The following HTR2C variants were observed in gnomAD, a reference collection of about 807,000 sequenced individuals.
HTR2C encodes 5-hydroxytryptamine (serotonin) receptor 2C, G protein-coupled.
A neutral mutation model predicts 21.0 loss-of-function variants in HTR2C; 5 were observed. The observed-to-expected ratio is 0.24, with a 90% CI of 0.12 to 0.50. The LOEUF (loss-of-function observed/expected upper bound fraction) is 0.50. Among genes scored for constraint, HTR2C ranks in the 20% least tolerant of loss-of-function variants. The probability of loss-of-function intolerance (pLI) is 0.98; values close to 1 mark genes in which losing one functional copy is unlikely to be tolerated. For synonymous variants in HTR2C, 150 were observed against 145.3 expected (o/e 1.03, Z -0.23); for missense variants, 271 against 371.2 (o/e 0.73, Z 2.22).
intron 4 of HTR2C, among the ~76,000 whole-genome samples, chrX:114,833,464 C>G (rs2070749156): frequency 9.0e-6 from 1 of 111,386 alleles, no homozygotes; most frequent in South Asian, 3.9e-4. Flanking sequence ...TCCATTTCTG[C>G]TAGATTTTCT....
intron 4 of HTR2C, among the ~76,000 whole-genome samples, chrX:114,789,094 A>C (rs1261469699): frequency 8.9e-6 from 1 of 112,314 alleles, no homozygotes; most frequent in East Asian, 2.8e-4. Flanking sequence ...TACAGTTCTC[A>C]AGAAAGCTGA....
chrX:114,760,535 G>A (rs1441182662), intron 4 of HTR2C, among the ~76,000 whole-genome samples: 1 of 109,159 alleles, frequency 9.2e-6, no homozygotes, highest in Non-Finnish European at 1.9e-5. Context: ...TTTCTTTTTT[G>A]AGACAGATTC....
At chrX:114,894,901 T>C (rs1355744473) in intron 5 of HTR2C, among the ~76,000 whole-genome samples, 4 of 110,612 alleles carry the variant, frequency 3.6e-5, no homozygotes, top group Non-Finnish European at 7.6e-5. Flanking sequence ...GTATTTTTAT[T>C]TGAGACGGGG....
At position 114,805,623 on chromosome X, in the gene HTR2C, TACCATATATATACCATATATATAC is replaced by T. The variant is rs1569495506; in HGVS notation, c.350-42307_350-42284del. Among the ~76,000 whole-genome samples the T allele has an allele frequency of 3.5e-3, 16 of 4,549 alleles. 1 individual carries two copies. Among genetic ancestry groups the T allele is most frequent in the African/African-American group, 7.1e-3 (14 of 1,960 alleles). The allele number at this position is 4,549 out of a possible 115,157, so 4.0% of individuals were successfully genotyped here. Reference sequence around the variant, plus strand: ...ACCATATATATACACATCATATATATACCATATATATACCATATATATACACCATATATATACCATATATATACA... The same window carrying T: ...ACCATATATATACACATCATATATATACCATATATATACCATATATATACA... On this transcript the variant is annotated intron_variant, in intron 4 of 5. Transcript: ENST00000276198.
intron 4 of HTR2C, among the ~76,000 whole-genome samples, chrX:114,736,407 T>C: frequency 9.0e-6 from 1 of 111,153 alleles, no homozygotes; most frequent in South Asian, 3.8e-4. Flanking sequence ...GATCTTGATA[T>C]CTGACAAAAG....
intron 5 of HTR2C, among the ~76,000 whole-genome samples, chrX:114,878,846 G>T (rs1400069083): frequency 1.0e-5 from 1 of 97,513 alleles, no homozygotes; most frequent in Non-Finnish European, 2.1e-5. Context: ...GGAACAGATG[G>T]TATATGATTT....
chrX:114,608,743 T>C (rs782700732), intron 1 of HTR2C, among the ~76,000 whole-genome samples: 19 of 111,940 alleles, frequency 1.7e-4, no homozygotes, highest in African/African-American at 5.8e-4. Flanking sequence ...ATCCTCCAAG[T>C]ACTCCTCTTA....
At chrX:114,729,021 A>G (rs781957371) in intron 3 of HTR2C, among the ~76,000 whole-genome samples, 9 of 112,245 alleles carry the variant, frequency 8.0e-5, no homozygotes, top group Non-Finnish European at 1.3e-4. Flanking sequence ...GGACTACTTG[A>G]GATGATCTTC....
chrX:114,732,266 T>G (rs1393722246), intron 4 of HTR2C, among the ~76,000 whole-genome samples: 1 of 112,215 alleles, frequency 8.9e-6, no homozygotes, highest in Non-Finnish European at 1.9e-5. Context: ...CCCTTCATTC[T>G]GTTCATTTTA....
chrX:114,704,781 A>G (rs782488545), intron 2 of HTR2C, among the ~76,000 whole-genome samples: 1,277 of 109,619 alleles, frequency 0.012, 20 homozygotes, highest in Admixed American at 0.071. Context: ...CTGTTTGCAG[A>G]TGACATGATT....
intron 2 of HTR2C, among the ~76,000 whole-genome samples, chrX:114,622,206 G>A (rs1929193836): frequency 8.9e-6 from 1 of 111,782 alleles, no homozygotes. Flanking sequence ...GCTAAGAACT[G>A]AGGATTGAAG....
chrX:114,852,200 G>T (rs2070923806), intron 5 of HTR2C, among the ~76,000 whole-genome samples: 1 of 110,314 alleles, frequency 9.1e-6, no homozygotes, highest in African/African-American at 3.3e-5. Flanking sequence ...TTTCTCTGTG[G>T]TTCTGATACC....
intron 5 of HTR2C, among the ~76,000 whole-genome samples, chrX:114,866,314 A>T (rs1235102835): frequency 1.8e-5 from 2 of 110,044 alleles, no homozygotes; most frequent in East Asian, 5.7e-4. Flanking sequence ...CCTATATTTT[A>T]TCATAGAGTT....
At chrX:114,791,573 GAA>G (rs1466396498) in intron 4 of HTR2C, among the ~76,000 whole-genome samples, 1 of 111,300 alleles carries the variant, frequency 9.0e-6, no homozygotes, top group Non-Finnish European at 1.9e-5. Flanking sequence ...CTATAAGCAG[GAA>G]AATGGAATAG....
chrX:114,714,152 A>G (rs1932940470), intron 2 of HTR2C, among the ~76,000 whole-genome samples: 1 of 111,885 alleles, frequency 8.9e-6, no homozygotes, highest in Admixed American at 9.6e-5. Context: ...CGTTTGTAGA[A>G]CTGGGACAGG....
chrX:114,793,062 G>A (rs782328722), intron 4 of HTR2C, among the ~76,000 whole-genome samples: 1 of 111,589 alleles, frequency 9.0e-6, no homozygotes, highest in Non-Finnish European at 1.9e-5. Flanking sequence ...CATTCTGTAG[G>A]TGGCGTGTTC....
intron 1 of HTR2C, among the ~76,000 whole-genome samples, chrX:114,595,278 T>C (rs1285483023): frequency 1.8e-5 from 2 of 111,114 alleles, no homozygotes; most frequent in Non-Finnish European, 3.8e-5. Flanking sequence ...AGTGCAGTCA[T>C]GCGATCATAG....
intron 4 of HTR2C, among the ~76,000 whole-genome samples, chrX:114,764,477 A>G (rs1276198726): frequency 1.8e-5 from 2 of 111,427 alleles, no homozygotes; most frequent in East Asian, 2.8e-4. Flanking sequence ...CAATAAATGC[A>G]CAAAATAAAT....
chrX:114,793,362 C>T (rs782110048), intron 4 of HTR2C, among the ~76,000 whole-genome samples: 5 of 111,409 alleles, frequency 4.5e-5, no homozygotes, highest in African/African-American at 6.5e-5. Flanking sequence ...AGGACATTGA[C>T]GTGTTACTGA....
Sources: allele counts gnomAD v4.1 joint callset (sites outside exome capture counted in the v4.1 genomes callset), GRCh38; gene constraint gnomAD v4.1.1; transcripts MANE v1.5; gene names NCBI Gene and HGNC (gene_info 2026-07-23, HGNC 2026-07-21).